The following QDPR variants were observed in gnomAD, a reference collection of about 807,000 sequenced individuals.
The protein encoded by QDPR is quinoid dihydropteridine reductase, also known as dihydropteridine reductase.
QDPR carries 23 observed loss-of-function variants against 31.7 expected under a neutral mutation model. The observed-to-expected ratio is 0.73, with a 90% CI of 0.52 to 1.03. QDPR has a LOEUF of 1.03. QDPR is among the 50% of genes least tolerant of loss of function. The pLI, the probability that QDPR is intolerant of heterozygous loss-of-function variation, is 0.00. For missense variants in QDPR, 324 were observed against 323.8 expected (o/e 1.00, Z 0.00); for synonymous variants, 124 against 124.7 (o/e 0.99, Z 0.03).
chr4:17,505,665 A>C (rs1217724193), intron 2 of QDPR, among the ~76,000 whole-genome samples: 2 of 152,232 alleles, frequency 1.3e-5, no homozygotes, highest in East Asian at 3.9e-4. Flanking sequence ...CAGCCCGGGC[A>C]ACATAACAAG....
At chr4:17,490,416 G>A (rs1577184502) in intron 6 of QDPR, 2 of 486,180 alleles carry the variant, frequency 4.1e-6, no homozygotes, top group East Asian at 8.3e-5. Context: ...GCTCAGCATG[G>A]CCGGTGGTGA....
At chr4:17,491,390 A>G (rs1215789800) in intron 5 of QDPR, among the ~76,000 whole-genome samples, 1 of 152,164 alleles carries the variant, frequency 6.6e-6, no homozygotes, top group African/African-American at 2.4e-5. Context: ...CCTTTATAGG[A>G]CCACAGGCAA....
intron 4 of QDPR, chr4:17,492,602 G>A (rs952361944): frequency 7.9e-5 from 42 of 531,674 alleles, no homozygotes; most frequent in Non-Finnish European, 9.1e-5. Context: ...ACAGGCCACC[G>A]GTGCATCCAA....
At chr4:17,487,837 T>C (rs1369818691) in intron 6 of QDPR, among the ~76,000 whole-genome samples, 1 of 152,198 alleles carries the variant, frequency 6.6e-6, no homozygotes, top group African/African-American at 2.4e-5. Context: ...GTAGGCATGA[T>C]GGACACATAC....
chr4:17,492,423 T>C (rs1260195602), intron 4 of QDPR, 83 bp from the exon 5 acceptor site: 3 of 1,118,548 alleles, frequency 2.7e-6, no homozygotes, highest in Non-Finnish European at 4.0e-6. Context: ...TTGAGATCTC[T>C]ATTCCCTAAA....
chr4:17,500,408 G>C (rs185610445), intron 4 of QDPR, among the ~76,000 whole-genome samples: 68 of 152,224 alleles, frequency 4.5e-4, no homozygotes, highest in South Asian at 1.7e-3. Flanking sequence ...CCCAACATTC[G>C]TATATTGAAG....
chr4:17,509,143 G>C, intron 2 of QDPR, 128 bp downstream of exon 2: 1 of 776,950 alleles, frequency 1.3e-6, no homozygotes, highest in African/African-American at 1.7e-5. Flanking sequence ...GGGCGACAGA[G>C]CAAGACTCCG....
intron 1 of QDPR, among the ~76,000 whole-genome samples, chr4:17,511,383 G>C (rs2108998564): frequency 6.6e-6 from 1 of 152,286 alleles, no homozygotes; most frequent in South Asian, 2.1e-4. Flanking sequence ...AGATCCAATG[G>C]GGCTAAAAGA....
intron 2 of QDPR, among the ~76,000 whole-genome samples, chr4:17,507,037 G>T (rs1420163648): frequency 6.6e-6 from 1 of 152,086 alleles, no homozygotes; most frequent in Non-Finnish European, 1.5e-5. Flanking sequence ...TTGCTTATTT[G>T]TATTTTCTAT....
intron 4 of QDPR, among the ~76,000 whole-genome samples, chr4:17,493,916 G>C (rs545405031): frequency 6.6e-6 from 1 of 152,290 alleles, no homozygotes; most frequent in African/African-American, 2.4e-5. Flanking sequence ...ACTCAGGTGT[G>C]ATCCAGAGGG....
chr4:17,504,232 G>A (rs1033288317), intron 3 of QDPR, 147 bp downstream of exon 3: 6 of 721,698 alleles, frequency 8.3e-6, no homozygotes, highest in Non-Finnish European at 1.0e-5. Context: ...TGGATTAAGA[G>A]CATTAATCAC....
Position 17,487,158 on chromosome 4 carries a change from C to T in QDPR, c.708G>A (p.Arg236=). The change falls in exon 7 of 7, where the codon AGG becomes AGA. Residue 236 remains arginine, a synonymous_variant. Transcript: ENST00000281243. The part of the protein sequence containing the change: ...SLIQVVTTEG[R]TELTPAYF ...AAAAATATGCTGGGGTGAGTTCCGT[C>T]CTTCCTTCTGTGGTTACCACCTGGA... is the stretch of plus-strand genomic sequence containing the variant. 6.2e-7 allele frequency: 1 copy of T among 1,614,192 alleles called. No individual in the cohort carries two copies. The highest frequency in any genetic ancestry group is 8.5e-7 in the Non-Finnish European group (1 of 1,180,028).
intron 1 of QDPR, among the ~76,000 whole-genome samples, chr4:17,511,601 G>A (rs1024107050): frequency 1.3e-5 from 2 of 152,116 alleles, no homozygotes; most frequent in Admixed American, 1.3e-4. Flanking sequence ...ACCGGGACTG[G>A]GCTGTCTCAT....
Position 17,501,713 on chromosome 4 carries a change from G to T in QDPR, c.436+6C>A. ...CCACTCCACAGATAGGGAAATAAAG[G>T]CTTACCAGGAGTCCCATCCAGGGCA... is the stretch of plus-strand genomic sequence containing the variant. On this transcript the variant is annotated splice_donor_region_variant and intron_variant, in intron 4 of 6. Transcript: ENST00000281243. 6.2e-7 allele frequency: 1 copy of T among 1,613,720 alleles called. No individual in the cohort carries two copies. The highest frequency in any genetic ancestry group is 8.5e-7 in the Non-Finnish European group (1 of 1,179,974).
At chr4:17,499,206 G>A (rs373399872) in intron 4 of QDPR, among the ~76,000 whole-genome samples, 3 of 152,234 alleles carry the variant, frequency 2.0e-5, no homozygotes, top group South Asian at 4.2e-4. Flanking sequence ...TCAGAAAGGC[G>A]AAGTAACTTG....
At chr4:17,497,623 G>T (rs1250853758) in intron 4 of QDPR, among the ~76,000 whole-genome samples, 1 of 151,978 alleles carries the variant, frequency 6.6e-6, no homozygotes, top group Admixed American at 6.6e-5. Flanking sequence ...AACTAGCTAG[G>T]TTGTCTTAGA....
Position 17,486,730 on chromosome 4 carries a change from A to C in QDPR, c.*401T>G. 4.1e-6 allele frequency: 1 copy of C among 244,720 alleles called. No individual in the cohort carries two copies. Among genetic ancestry groups the C allele is most frequent in the Non-Finnish European group, 8.1e-6 (1 of 123,192 alleles). The allele number at this position is 244,720 out of a possible 1,614,324, so 15.2% of individuals were successfully genotyped here. ...CAAGGATGCGAAAACTACGTCTATG[A>C]CATAAACATGACATTCAAAAATAAC... On this transcript the variant is annotated 3_prime_UTR_variant, in exon 7 of 7. Transcript: ENST00000281243.
chr4:17,500,260 C>T (rs1718514522), intron 4 of QDPR, among the ~76,000 whole-genome samples: 1 of 143,666 alleles, frequency 7.0e-6, no homozygotes, highest in Non-Finnish European at 1.6e-5. Context: ...GCCAAAAGCT[C>T]CCATTTTTTT....
At chr4:17,494,955 G>C (rs139702755) in intron 4 of QDPR, among the ~76,000 whole-genome samples, 3 of 152,188 alleles carry the variant, frequency 2.0e-5, no homozygotes, top group Non-Finnish European at 4.4e-5. Flanking sequence ...TGGAGGGCAC[G>C]CACAGAACCC....
Sources: allele counts gnomAD v4.1 joint callset (sites outside exome capture counted in the v4.1 genomes callset), GRCh38; gene constraint gnomAD v4.1.1; transcripts MANE v1.5; gene names NCBI Gene and HGNC (gene_info 2026-07-23, HGNC 2026-07-21).